Variants in NFU1 observed in about 807,000 individuals in gnomAD.
NFU1 encodes NFU1 iron-sulfur cluster scaffold homolog, mitochondrial.
NFU1 carries 30 observed loss-of-function variants against 32.2 expected under a neutral mutation model. That is an observed-to-expected ratio of 0.93 (90% CI 0.70 to 1.26). The LOEUF is 1.26. Among genes scored for constraint, NFU1 ranks in the 50% most tolerant of loss-of-function variants. NFU1 has a pLI of 0.00. For synonymous variants in NFU1, 112 were observed against 104.6 expected (o/e 1.07, Z -0.43); for missense variants, 306 against 306.6 (o/e 1.00, Z 0.02).
intron 1 of NFU1, among the ~76,000 whole-genome samples, chr2:69,433,794 G>C (rs546897697): frequency 3.9e-5 from 6 of 152,084 alleles, no homozygotes; most frequent in Non-Finnish European, 8.8e-5. Flanking sequence ...TTTGTTTTGA[G>C]ACAGGGTCTT....
chr2:69,429,582 A>C (rs1403784567), intron 2 of NFU1, among the ~76,000 whole-genome samples: 1 of 152,206 alleles, frequency 6.6e-6, no homozygotes, highest in Non-Finnish European at 1.5e-5. Flanking sequence ...AGAAAGCAAA[A>C]TTTTTAGAAA....
intron 5 of NFU1, among the ~76,000 whole-genome samples, chr2:69,407,921 G>A (rs1672752678): frequency 6.6e-6 from 1 of 151,254 alleles, no homozygotes. Context: ...GCTGAGGCAG[G>A]AGAATTGCTT....
chr2:69,403,037 T>G (rs903938785), intron 6 of NFU1, among the ~76,000 whole-genome samples: 1 of 150,466 alleles, frequency 6.6e-6, no homozygotes, highest in Non-Finnish European at 1.5e-5. Flanking sequence ...CCCTCTCTCT[T>G]TCTTTCTCTT....
At chr2:69,399,239 C>T in intron 7 of NFU1, 1 of 328,708 alleles carries the variant, frequency 3.0e-6, no homozygotes, top group Non-Finnish European at 6.0e-6. Context: ...AATGAATTAC[C>T]TGAAATTCTG....
chr2:69,437,212 C>G, intron 1 of NFU1, 149 bp downstream of exon 1: 1 of 1,459,438 alleles, frequency 6.9e-7, no homozygotes. Flanking sequence ...AGCCTCAGGG[C>G]TCACCCCCAA....
chr2:69,411,434 C>G (rs1672874069), intron 5 of NFU1, among the ~76,000 whole-genome samples: 1 of 151,946 alleles, frequency 6.6e-6, no homozygotes, highest in South Asian at 2.1e-4. Flanking sequence ...AAAAGATGAA[C>G]TAATGTAACC....
intron 1 of NFU1, among the ~76,000 whole-genome samples, chr2:69,432,783 G>A (rs369413870): frequency 2.8e-4 from 38 of 134,618 alleles, no homozygotes; most frequent in African/African-American, 1.1e-3. Context: ...TGTCCCTTAC[G>A]TTTCCCTCTC....
intron 7 of NFU1, among the ~76,000 whole-genome samples, chr2:69,396,710 T>C (rs551331580): frequency 2.0e-5 from 3 of 152,256 alleles, no homozygotes; most frequent in African/African-American, 7.2e-5. Context: ...AATTAAAGCA[T>C]TGATCACTTC....
chr2:69,439,104 C>T (rs892783409), upstream of NFU1, among the ~76,000 whole-genome samples: 4 of 152,088 alleles, frequency 2.6e-5, no homozygotes, highest in Non-Finnish European at 5.9e-5. Flanking sequence ...CTTTTCTTCC[C>T]TTCAGAACCA....
chr2:69,406,080 A>G lies in NFU1; in HGVS notation c.487T>C (p.Ser163Pro). 2 of 1,577,728 alleles carry G rather than the reference A, an allele frequency of 1.3e-6. No homozygotes were observed. Among genetic ancestry groups the G allele is most frequent in the Non-Finnish European group, 1.7e-6 (2 of 1,148,624 alleles). The change falls in exon 6 of 8, where the codon TCT (serine) becomes CCT (proline). Residue 163 changes from serine (S) to proline (P), a missense_variant and splice_region_variant. Transcript: ENST00000410022. ...TEETPSGEAG[S>P]EEDDEVVAMI... ...GCCACAACTTCATCATCTTCTTCAG[A>G]TCCTAGAAATAATTACATATAAAAA...
At chr2:69,401,506 C>T (rs915465123) in intron 6 of NFU1, among the ~76,000 whole-genome samples, 11 of 152,148 alleles carry the variant, frequency 7.2e-5, no homozygotes, top group Non-Finnish European at 8.8e-5. Flanking sequence ...TTTATCCATT[C>T]TACTGTTGAT....
chr2:69,414,098 C>T (rs1288948911), intron 5 of NFU1, among the ~76,000 whole-genome samples: 1 of 151,998 alleles, frequency 6.6e-6, no homozygotes, highest in Non-Finnish European at 1.5e-5. Context: ...AAGCTCTCCA[C>T]ATATTCATAA....
intron 3 of NFU1, among the ~76,000 whole-genome samples, chr2:69,421,421 G>A (rs1338324911): frequency 3.3e-5 from 5 of 151,878 alleles, no homozygotes; most frequent in South Asian, 2.1e-4. Context: ...TCTGTTTTCC[G>A]AGTATCCCTG....
In NFU1 at chr2:69,437,403, C is replaced by A. The variant is rs765309844; in HGVS notation, c.20G>T (p.Arg7Leu). The change falls in exon 1 of 8, where the codon CGG becomes CTG. Residue 7 changes from arginine to leucine, a missense_variant. Arg to Leu is a moderately radical substitution (Grantham distance 102). Transcript: ENST00000410022. Reference sequence around the variant, plus strand: ...GGCAACAGCCGCAGCTCCCCAGCCCCGCCTGGCCGTCGCCGCCATCTTAGT... The same window carrying A: ...GGCAACAGCCGCAGCTCCCCAGCCCAGCCTGGCCGTCGCCGCCATCTTAGT... MAATARRGWGAAAVAAG... is the reference protein window; with the variant it reads MAATARLGWGAAAVAAG... 119 of 1,610,612 alleles carry A rather than the reference C, an allele frequency of 7.4e-5. No homozygotes were observed. Among genetic ancestry groups the A allele is most frequent in the Non-Finnish European group, 9.7e-5 (115 of 1,179,594 alleles).
chr2:69,424,194 A>T (rs1381706413), intron 2 of NFU1, among the ~76,000 whole-genome samples: 99 of 129,454 alleles, frequency 7.6e-4, no homozygotes, highest in African/African-American at 3.0e-3. Context: ...AAAAAAAAAA[A>T]AAAAATATAT....
At chr2:69,407,791 T>C (rs767192106) in intron 5 of NFU1, among the ~76,000 whole-genome samples, 2 of 151,656 alleles carry the variant, frequency 1.3e-5, no homozygotes, top group Non-Finnish European at 2.9e-5. Flanking sequence ...GGCAGACGCG[T>C]CACCTGAGGT....
At chr2:69,419,501 G>A (rs748373355) in intron 4 of NFU1, 37 bp downstream of exon 4, 2 of 1,096,010 alleles carry the variant, frequency 1.8e-6, no homozygotes, top group Non-Finnish European at 2.8e-6. Flanking sequence ...AAAATGAAGA[G>A]TATTTCAAGT....
At chr2:69,415,456 T>C (rs1403173807) in intron 4 of NFU1, among the ~76,000 whole-genome samples, 157 bp from the exon 5 acceptor site, 1 of 151,762 alleles carries the variant, frequency 6.6e-6, no homozygotes, top group Admixed American at 6.6e-5. Flanking sequence ...CTTGGCTCAC[T>C]GCAACCTCCG....
chr2:69,437,569 G>A (rs1558859977), upstream of NFU1: 2 of 975,580 alleles, frequency 2.1e-6, no homozygotes, highest in African/African-American at 1.6e-5. Context: ...GGTGGCCTAC[G>A]CGCCGAGGTT....
Sources: gnomAD v4.1 joint callset for allele counts (sites outside exome capture counted in the v4.1 genomes callset) on GRCh38, gnomAD v4.1.1 for gene constraint, MANE v1.5 for transcripts, NCBI Gene and HGNC (gene_info 2026-07-23, HGNC 2026-07-21) for gene names.